MSL3: variants seen among roughly 807,000 people sequenced by gnomAD.
The protein encoded by MSL3 is MSL complex subunit 3.
In MSL3, 5 loss-of-function variants were observed where a neutral mutation model predicts 37.2. The ratio of observed to expected loss-of-function variants is 0.13; its 90% CI spans 0.07 to 0.28. MSL3 has a LOEUF of 0.28. MSL3 is among the 10% of genes least tolerant of loss of function. The pLI, the probability that MSL3 is intolerant of heterozygous loss-of-function variation, is 1.00. For synonymous variants in MSL3, 149 were observed against 147.6 expected, an observed-to-expected ratio of 1.01 and a Z score of -0.07; for missense variants, 315 against 408.5, an observed-to-expected ratio of 0.77 and a Z score of 1.97.
Position 11,762,260 on chromosome X carries a change from G to C in MSL3, c.588+8G>C, listed in dbSNP as rs992526259. On this transcript the variant is annotated splice_region_variant and intron_variant, in intron 6 of 12. Coordinates refer to ENST00000312196, the MANE Select transcript of MSL3 (RefSeq NM_078629.4). ...ATTAACAGGAGGAAACGGGTATGTA[G>C]GGAGAATGTATAAAACATTAATTTG... The C allele has an allele frequency of 8.8e-7, 1 of 1,142,543 alleles. No homozygotes were observed. Among genetic ancestry groups the C allele is most frequent in the African/African-American group, 1.9e-5 (1 of 53,161 alleles). 94.2% of individuals were successfully genotyped at this position (1,142,543 alleles called of 1,213,427 possible). A position where few individuals can be genotyped will look rare whatever the true frequency, so the allele number is the denominator to read the frequency against.
chrX:11,760,712 C>T, intron 3 of MSL3, 125 bp from the exon 4 acceptor site: 1 of 609,292 alleles, frequency 1.6e-6, no homozygotes, highest in Non-Finnish European at 2.4e-6. Flanking sequence ...TGGAAATTAC[C>T]ATTTATGTTC....
At position 11,760,904 on chromosome X, in the gene MSL3, C is replaced by G. The variant is rs1472354867; in HGVS notation, c.349C>G (p.Pro117Ala). ...TGTGGACTCTGTCTTAAAAGGCCTC[C>G]CCACTGAAGAAAAAGATGAAAATGA... ...PGVDSVLKGL[P>A]TEEKDENDEN... The change falls in exon 4 of 13, where the codon CCC becomes GCC. Residue 117 changes from proline (P) to alanine (A), a missense_variant. By Grantham distance (27) the Pro-to-Ala change is conservative. Transcript: ENST00000312196. 2 of 1,197,802 alleles carry G rather than the reference C, an allele frequency of 1.7e-6. No homozygotes were observed. The highest frequency in any genetic ancestry group is 2.3e-6 in the Non-Finnish European group (2 of 887,745).
Position 11,774,169 on chromosome X carries a change from A to G in MSL3, c.1467-811A>G, listed in dbSNP as rs549997369. Among the ~76,000 whole-genome samples, 40 of 112,395 alleles carry G rather than the reference A, an allele frequency of 3.6e-4. No individual in the cohort carries two copies. The South Asian group carries it at 0.014, about 41-fold the overall frequency. On this transcript the variant is annotated intron_variant, in intron 12 of 12. Coordinates refer to ENST00000312196, the MANE Select transcript of MSL3 (RefSeq NM_078629.4). ...TTCCTGTGTCTTGGTACTGTTAGCT[A>G]GAACTGTAACATGTTTTGGCATGGC...
At chrX:11,772,093 G>A (rs2053237162) in intron 10 of MSL3, 63 bp from the exon 11 acceptor site, 4 of 768,825 alleles carry the variant, frequency 5.2e-6, no homozygotes, top group Non-Finnish European at 7.9e-6. Context: ...TGTCATAATT[G>A]TTAGGTGGTT....
chrX:11,760,966 C>A, intron 4 of MSL3, 29 bp downstream of exon 4: 1 of 1,038,173 alleles, frequency 9.6e-7, no homozygotes, highest in Non-Finnish European at 1.3e-6. Context: ...TTTCTTTTGG[C>A]TGAAAGAACT....
chrX:11,760,297 G>A (rs1204144270), intron 2 of MSL3, 106 bp from the exon 3 acceptor site: 2 of 517,907 alleles, frequency 3.9e-6, no homozygotes, highest in East Asian at 3.9e-5. Flanking sequence ...TATTTAAATC[G>A]TTTTCTAAAA....
intron 4 of MSL3, 109 bp downstream of exon 4, chrX:11,761,046 A>G: frequency 1.9e-6 from 1 of 535,458 alleles, no homozygotes; most frequent in Non-Finnish European, 3.0e-6. Context: ...ATTATGTATA[A>G]TATTTGCCCC....
chrX:11,758,537 G>A, intron 1 of MSL3, 172 bp downstream of exon 1: 1 of 1,070,559 alleles, frequency 9.3e-7, no homozygotes, highest in Non-Finnish European at 1.2e-6. Context: ...GGGAGTCGGG[G>A]CGGGGTCTGG....
intron 9 of MSL3, chrX:11,766,012 C>T (rs1245004277): frequency 1.6e-5 from 16 of 1,000,768 alleles, no homozygotes; most frequent in Non-Finnish European, 1.9e-5. Flanking sequence ...TATCAGAATT[C>T]TATGTATTGT....
intron 1 of MSL3, 167 bp from the exon 2 acceptor site, chrX:11,759,626 G>A (rs2053109831): frequency 4.6e-6 from 5 of 1,085,078 alleles, no homozygotes; most frequent in East Asian, 3.4e-5. Flanking sequence ...TTTTGAAGGC[G>A]TCCACTTGGG....
chrX:11,762,801 G>C, intron 6 of MSL3, 36 bp from the exon 7 acceptor site: 2 of 1,148,501 alleles, frequency 1.7e-6, no homozygotes, highest in South Asian at 1.9e-5. Context: ...GTTACATTAG[G>C]ATGCATACAT....
chrX:11,763,047 G>T (rs2053147346), intron 7 of MSL3, 50 bp downstream of exon 7: 1 of 1,044,907 alleles, frequency 9.6e-7, no homozygotes, highest in African/African-American at 1.9e-5. Context: ...TATTAGAGAG[G>T]TGGCTTCCAT....
chrX:11,758,616 C>G (rs2053096094), intron 1 of MSL3: 3 of 1,143,496 alleles, frequency 2.6e-6, no homozygotes, highest in African/African-American at 3.6e-5. Context: ...CATGCTTTGT[C>G]GCGTTACCGG....
At position 11,772,205 on chromosome X, in the gene MSL3, C is replaced by T. The variant is rs1488315269; in HGVS notation, c.1331C>T (p.Pro444Leu). 4.1e-6 allele frequency: 5 copies of T among 1,208,287 alleles called. No homozygotes were observed. The highest frequency in any genetic ancestry group is 3.0e-5 in the East Asian group (1 of 33,763). Residue 444 changes from proline (P) to leucine (L), a missense_variant, in exon 11 of 13, where the codon CCG (proline) becomes CTG (leucine). Coordinates refer to ENST00000312196, the MANE Select transcript of MSL3 (RefSeq NM_078629.4). ...GACAATTACCCCCCAGGTGACCAGC[C>T]GCCTCCACCCTCTTACATTTATGGG... The part of the protein sequence containing the change: ...VPDNYPPGDQ[P>L]PPPSYIYGAQ...
intron 1 of MSL3, among the ~76,000 whole-genome samples, chrX:11,759,190 TCTTTGGCGATGTCTGGACAG>T (rs1258739900): frequency 3.8e-4 from 43 of 112,141 alleles, no homozygotes; most frequent in African/African-American, 1.3e-3. Flanking sequence ...CCCAGGTGTG[TCTTTGGCGATGTCTGGACAG>T]CTCTGTCCAT....
intron 9 of MSL3, chrX:11,767,503 T>A (rs966165432): frequency 8.5e-6 from 1 of 117,575 alleles, no homozygotes; most frequent in Admixed American, 9.5e-5. Context: ...GCACCTATAG[T>A]CCCAGCTACT....
intron 1 of MSL3, 32 bp downstream of exon 1, chrX:11,758,397 G>T: frequency 9.7e-7 from 1 of 1,033,406 alleles, no homozygotes; most frequent in African/African-American, 2.0e-5. Context: ...GAGGAGGCGC[G>T]GGCTGGGGGA....
chrX:11,760,166 T>C (rs2053117503), intron 2 of MSL3: 2 of 370,483 alleles, frequency 5.4e-6, no homozygotes, highest in African/African-American at 5.2e-5. Flanking sequence ...TTGTGACGAA[T>C]AGTTACTTTT....
chrX:11,758,553 T>C, intron 1 of MSL3, 188 bp downstream of exon 1: 5 of 1,101,409 alleles, frequency 4.5e-6, no homozygotes, highest in Non-Finnish European at 4.7e-6. Context: ...TCTGGGATGC[T>C]TCCACTTCCT....
Sources: allele counts gnomAD v4.1 joint callset (sites outside exome capture counted in the v4.1 genomes callset), GRCh38; gene constraint gnomAD v4.1.1; transcripts MANE v1.5; gene names NCBI Gene and HGNC (gene_info 2026-07-23, HGNC 2026-07-21).